CDH7: variants seen among roughly 807,000 people sequenced by gnomAD.
CDH7 encodes cadherin-7.
Under a neutral mutation model 71.8 loss-of-function variants are expected in CDH7, and 25 were observed. The observed-to-expected ratio is 0.35, with a 90% CI of 0.25 to 0.49. The LOEUF (loss-of-function observed/expected upper bound fraction) is 0.49, where lower values mean the gene tolerates loss of function less well. Ranked by LOEUF, CDH7 falls within the 20% of genes least tolerant of loss-of-function variation. The probability of loss-of-function intolerance (pLI) is 0.99; values close to 1 mark genes in which losing one functional copy is unlikely to be tolerated. For synonymous variants in CDH7, 381 were observed against 363.8 expected (o/e 1.05, Z -0.54); for missense variants, 862 against 974.6 (o/e 0.88, Z 1.54).
chr18:65,781,772 T>TTTCTTTCTTTCTTTCTTTCTTTCTA lies in CDH7; in HGVS notation c.210+18721_210+18722insTCTTTCTTTCTTTCTTTCTTTCTAT, dbSNP rs1568181261. Among the ~76,000 whole-genome samples the TTTCTTTCTTTCTTTCTTTCTTTCTA allele has an allele frequency of 2.4e-3, 185 of 75,722 alleles. 21 individuals are homozygous for TTTCTTTCTTTCTTTCTTTCTTTCTA. The highest frequency in any genetic ancestry group is 0.017 in the Middle Eastern group (2 of 118). The allele number at this position is 75,722 out of a possible 152,430, so 49.7% of individuals were successfully genotyped here. On this transcript the variant is annotated intron_variant, in intron 2 of 11. Transcript: ENST00000397968. Reference sequence around the variant, plus strand: ...TTGATTTCTTTCTTTCTTTCTTTCCTTCCTTCCTTCCTTCCTTCCTTCCTT... The same window carrying TTTCTTTCTTTCTTTCTTTCTTTCTA: ...TTGATTTCTTTCTTTCTTTCTTTCCTTTCTTTCTTTCTTTCTTTCTTTCTATCCTTCCTTCCTTCCTTCCTTCCTT...
At position 65,886,958 on chromosome 18, in the gene CDH7, G is replaced by A. The variant is rs1019032241; in HGVS notation, c.*6064G>A. 2 of 152,018 alleles carry A rather than the reference G, an allele frequency of 1.3e-5. No individual in the cohort carries two copies. Among genetic ancestry groups the A allele is most frequent in the African/African-American group, 4.8e-5 (2 of 41,382 alleles). The allele number at this position is 152,018 out of a possible 1,614,324, so 9.4% of individuals were successfully genotyped here. A position where few individuals can be genotyped will look rare whatever the true frequency, so the allele number is the denominator to read the frequency against. The stretch of plus-strand genomic sequence containing the variant: ...TTAATAAGCTCTCTTCTCAACTTTA[G>A]CTCTTAGTTATCTGGTTATTTTATG... On this transcript the variant is annotated 3_prime_UTR_variant, in exon 12 of 12. Transcript: ENST00000397968.
chr18:65,873,950 TGATG>T (rs1377967475), intron 11 of CDH7, among the ~76,000 whole-genome samples: 2 of 152,212 alleles, frequency 1.3e-5, no homozygotes, highest in South Asian at 2.1e-4. Flanking sequence ...TTGGGCTTGT[TGATG>T]GCAAGTCCAG....
Position 65,880,664 on chromosome 18 carries a change from T to C in CDH7, c.2128T>C (p.Phe710Leu). 3 of 1,613,930 alleles carry C rather than the reference T, an allele frequency of 1.9e-6. No homozygotes were observed. Among genetic ancestry groups the C allele is most frequent in the South Asian group, 1.1e-5 (1 of 91,064 alleles). ...SIPDNVIFRE[F>L]IWERLKEADV... ...CCCAGATAATGTCATCTTTAGGGAA[T>C]TTATTTGGGAAAGATTAAAAGAAGC... The change falls in exon 12 of 12, where the codon TTT becomes CTT. Residue 710 changes from phenylalanine (F) to leucine (L), a missense_variant. Transcript: ENST00000397968.
chr18:65,807,624 G>A (rs1911372369), intron 2 of CDH7, among the ~76,000 whole-genome samples: 1 of 152,182 alleles, frequency 6.6e-6, no homozygotes. Context: ...GGGTGAGGGA[G>A]CATTAGGAGA....
intron 7 of CDH7, among the ~76,000 whole-genome samples, chr18:65,856,751 A>C (rs1913372467): frequency 6.6e-6 from 1 of 152,004 alleles, no homozygotes; most frequent in South Asian, 2.1e-4. Context: ...TTGTTTTTGA[A>C]TGAGAGCCAT....
At chr18:65,846,028 C>T (rs1912922874) in intron 7 of CDH7, among the ~76,000 whole-genome samples, 1 of 152,070 alleles carries the variant, frequency 6.6e-6, no homozygotes, top group African/African-American at 2.4e-5. Flanking sequence ...TATTCTATTA[C>T]CCACTCCCTT....
chr18:65,849,138 C>T (rs1913039858), intron 7 of CDH7, among the ~76,000 whole-genome samples: 3 of 152,042 alleles, frequency 2.0e-5, no homozygotes. Context: ...TATTATATCT[C>T]TGAGAAGACT....
chr18:65,821,194 G>A (rs1911915054), intron 4 of CDH7, among the ~76,000 whole-genome samples: 1 of 151,744 alleles, frequency 6.6e-6, no homozygotes, highest in Admixed American at 6.6e-5. Context: ...CACAAAGATT[G>A]TTTATGTTTG....
At chr18:65,820,301 T>G (rs2143932389) in intron 4 of CDH7, among the ~76,000 whole-genome samples, 1 of 151,682 alleles carries the variant, frequency 6.6e-6, no homozygotes. Context: ...CCTAAGTGAC[T>G]TAAACAATTA....
At chr18:65,856,483 G>T (rs971289357) in intron 7 of CDH7, among the ~76,000 whole-genome samples, 1 of 152,094 alleles carries the variant, frequency 6.6e-6, no homozygotes, top group Non-Finnish European at 1.5e-5. Context: ...GGAGGTGGTG[G>T]ATAGAGAGTA....
At chr18:65,767,610 A>G (rs953665967) in intron 2 of CDH7, among the ~76,000 whole-genome samples, 2 of 152,182 alleles carry the variant, frequency 1.3e-5, no homozygotes, top group African/African-American at 4.8e-5. Context: ...TATTTTTTCT[A>G]GGAATGAGTA....
At chr18:65,813,235 G>A (rs901824537) in intron 3 of CDH7, among the ~76,000 whole-genome samples, 2 of 152,210 alleles carry the variant, frequency 1.3e-5, no homozygotes, top group African/African-American at 4.8e-5. Flanking sequence ...AGGAGGCTGA[G>A]GCAGGAGAAT....
chr18:65,859,153 T>C, intron 9 of CDH7, 107 bp downstream of exon 9: 1 of 1,063,418 alleles, frequency 9.4e-7, no homozygotes, highest in Non-Finnish European at 1.4e-6. Flanking sequence ...TATAATCAGC[T>C]TGTTTCAGCA....
chr18:65,813,781 A>C (rs889103524), intron 3 of CDH7, among the ~76,000 whole-genome samples: 1 of 152,196 alleles, frequency 6.6e-6, no homozygotes, highest in African/African-American at 2.4e-5. Flanking sequence ...GAATGTGTGA[A>C]TATATAGTAA....
chr18:65,833,091 C>T (rs550251676), intron 6 of CDH7, among the ~76,000 whole-genome samples: 1 of 152,240 alleles, frequency 6.6e-6, no homozygotes, highest in African/African-American at 2.4e-5. Context: ...ATGCTCATAT[C>T]CATACCCTAT....
At chr18:65,807,099 G>A (rs1193031305) in intron 2 of CDH7, among the ~76,000 whole-genome samples, 1 of 151,974 alleles carries the variant, frequency 6.6e-6, no homozygotes, top group Non-Finnish European at 1.5e-5. Context: ...CAGGATGTGT[G>A]CGTGGGGGTG....
At chr18:65,763,376 T>C (rs1227477755) in intron 2 of CDH7, among the ~76,000 whole-genome samples, 1 of 152,162 alleles carries the variant, frequency 6.6e-6, no homozygotes, top group Non-Finnish European at 1.5e-5. Context: ...ACAAGACTAT[T>C]CATAAAAAAT....
At chr18:65,865,306 G>C (rs1227997058) in intron 11 of CDH7, 1 of 152,050 alleles carries the variant, frequency 6.6e-6, no homozygotes. Context: ...TACAGTATGT[G>C]CATGTATGCT....
intron 11 of CDH7, among the ~76,000 whole-genome samples, chr18:65,869,224 CT>C (rs11339895): frequency 0.62 from 93,003 of 149,404 alleles, 31,219 homozygotes; most frequent in East Asian, 0.92. Context: ...TGTCCAGGGT[CT>C]TTTTTTTTTT....
Sources: allele counts gnomAD v4.1 joint callset (sites outside exome capture counted in the v4.1 genomes callset), GRCh38; gene constraint gnomAD v4.1.1; transcripts MANE v1.5; gene names NCBI Gene and HGNC (gene_info 2026-07-23, HGNC 2026-07-21).